Variants in PLCG2 observed in about 807,000 individuals in gnomAD.
PLCG2 encodes phospholipase C gamma 2, also known as 1-phosphatidylinositol 4,5-bisphosphate phosphodiesterase gamma-2.
PLCG2 carries 69 observed loss-of-function variants against 175.6 expected under a neutral mutation model. That is an observed-to-expected ratio of 0.39 (90% confidence interval 0.32 to 0.48). The LOEUF (loss-of-function observed/expected upper bound fraction) is 0.48. Ranked by LOEUF, PLCG2 falls within the 20% of genes least tolerant of loss-of-function variation. The pLI, the probability that PLCG2 is intolerant of heterozygous loss-of-function variation, is 0.91. For missense variants in PLCG2, 1,798 were observed against 1,650.9 expected (o/e 1.09, Z -1.54); for synonymous variants, 827 against 624.0 (o/e 1.33, Z -4.85).
In PLCG2 at chr16:81,875,375, G is replaced by A. The variant is rs1391929281; in HGVS notation, c.648+4440G>A. Among the ~76,000 whole-genome samples, 6 of 152,296 alleles carry A rather than the reference G, an allele frequency of 3.9e-5. No homozygotes were observed. The South Asian group carries it at 1.2e-3, about 32-fold the overall frequency. ...AACTGAGGTCCAGAGAGGTTACTTT[G>A]CTGAAGGCCTGTTTACTGCAGGGTA... On this transcript the variant is annotated intron_variant, in intron 7 of 32. Coordinates refer to ENST00000564138, the MANE Select transcript of PLCG2 (RefSeq NM_002661.5).
chr16:81,954,714 C>A (rs1190933869), intron 31 of PLCG2, among the ~76,000 whole-genome samples: 1 of 152,072 alleles, frequency 6.6e-6, no homozygotes, highest in East Asian at 1.9e-4. Flanking sequence ...GTATATGTAC[C>A]ACATTTTCTT....
chr16:81,944,506 A>G (rs1366528868), intron 30 of PLCG2, among the ~76,000 whole-genome samples: 1 of 152,202 alleles, frequency 6.6e-6, no homozygotes. Flanking sequence ...TCTGTCACTG[A>G]GGCTGAAATT....
chr16:81,868,328 C>G (rs1159937628), intron 5 of PLCG2, among the ~76,000 whole-genome samples: 2 of 152,260 alleles, frequency 1.3e-5, no homozygotes, highest in South Asian at 2.1e-4. Context: ...CCTTAGTGAC[C>G]TTGCCTTGCT....
At chr16:81,851,641 T>G (rs1204643896) in intron 2 of PLCG2, among the ~76,000 whole-genome samples, 3 of 152,202 alleles carry the variant, frequency 2.0e-5, no homozygotes, top group African/African-American at 7.2e-5. Flanking sequence ...TCCTCCCAAG[T>G]AGCTGGTACA....
chr16:81,761,852 C>T (rs1449677620), intron 2 of PLCG2, among the ~76,000 whole-genome samples: 1 of 138,480 alleles, frequency 7.2e-6, no homozygotes. Flanking sequence ...TTTTTTTGCG[C>T]ATGGAGTCTT....
intron 5 of PLCG2, among the ~76,000 whole-genome samples, chr16:81,859,684 G>A (rs527623077): frequency 5.3e-5 from 8 of 152,136 alleles, no homozygotes; most frequent in East Asian, 3.9e-4. Context: ...ACAGGCACCC[G>A]CCACCATGCC....
Position 81,885,325 on chromosome 16 carries a change from C to T in PLCG2, c.765+1984C>T, listed in dbSNP as rs749864710. Among the ~76,000 whole-genome samples, 23 of 78,564 alleles carry T rather than the reference C, an allele frequency of 2.9e-4. No homozygotes were observed. The Admixed American group carries it at 3.0e-3, about 10-fold the overall frequency. The allele number at this position is 78,564 out of a possible 152,430, so 51.5% of individuals were successfully genotyped here. On this transcript the variant is annotated intron_variant, in intron 9 of 32. Transcript: ENST00000564138. Reference sequence around the variant, plus strand: ...AGGTGTGAGCCACCACGCCCAGCCCCGACTAATTTTGTATCTTTAGTAGAA... The same window carrying T: ...AGGTGTGAGCCACCACGCCCAGCCCTGACTAATTTTGTATCTTTAGTAGAA...
At chr16:81,928,301 G>A (rs554110947) in intron 23 of PLCG2, among the ~76,000 whole-genome samples, 1 of 152,228 alleles carries the variant, frequency 6.6e-6, no homozygotes, top group African/African-American at 2.4e-5. Context: ...TATGAAACCT[G>A]TTCTAGAATT....
intron 22 of PLCG2, among the ~76,000 whole-genome samples, chr16:81,926,126 A>T (rs1408101171): frequency 6.6e-6 from 1 of 152,180 alleles, no homozygotes; most frequent in African/African-American, 2.4e-5. Context: ...GGGCCAAGGC[A>T]TGGAAGCTAG....
chr16:81,842,448 G>A (rs896825448), intron 2 of PLCG2, among the ~76,000 whole-genome samples: 1 of 152,188 alleles, frequency 6.6e-6, no homozygotes, highest in Non-Finnish European at 1.5e-5. Flanking sequence ...CATCCCTAGC[G>A]CTCAGCGTGG....
intron 2 of PLCG2, among the ~76,000 whole-genome samples, chr16:81,836,314 C>T (rs1447249719): frequency 6.6e-6 from 1 of 152,180 alleles, no homozygotes; most frequent in Non-Finnish European, 1.5e-5. Flanking sequence ...TCTCCTGGTG[C>T]CCTGTATTGG....
chr16:81,903,693 A>G (rs2143638713), intron 14 of PLCG2, among the ~76,000 whole-genome samples: 1 of 152,164 alleles, frequency 6.6e-6, no homozygotes, highest in African/African-American at 2.4e-5. Context: ...CTTCTCAGGC[A>G]CCTAGTTGGT....
intron 2 of PLCG2, among the ~76,000 whole-genome samples, chr16:81,819,292 G>T (rs914093839): frequency 1.2e-4 from 19 of 152,274 alleles, no homozygotes; most frequent in African/African-American, 4.6e-4. Flanking sequence ...TGGGGGTGTT[G>T]GATTCCCAGG....
At chr16:81,893,423 G>A (rs1415669681) in intron 11 of PLCG2, among the ~76,000 whole-genome samples, 1 of 147,278 alleles carries the variant, frequency 6.8e-6, no homozygotes, top group African/African-American at 2.5e-5. Flanking sequence ...GACGTGCTTT[G>A]ACCAACTTCT....
Position 81,959,954 on chromosome 16 carries a change from T to C in PLCG2, c.*1956T>C, listed in dbSNP as rs1386212734. ...CTTTCTGCCCAAATGGGTTTTTTGC[T>C]ACCATATCAAAGAACCTGACATATG... On this transcript the variant is annotated 3_prime_UTR_variant, in exon 33 of 33. Transcript: ENST00000564138. The C allele has an allele frequency of 4.9e-6, 1 of 203,196 alleles. No homozygotes were observed. Among genetic ancestry groups the C allele is most frequent in the Non-Finnish European group, 1.0e-5 (1 of 99,032 alleles). The allele number at this position is 203,196 out of a possible 1,614,324, so 12.6% of individuals were successfully genotyped here.
intron 2 of PLCG2, among the ~76,000 whole-genome samples, chr16:81,840,788 C>T (rs886108669): frequency 1.2e-4 from 19 of 152,194 alleles, no homozygotes; most frequent in Non-Finnish European, 2.2e-4. Context: ...TTGGGGACCC[C>T]TGTCTTGGAG....
chr16:81,834,901 G>A (rs1429654654), intron 2 of PLCG2, among the ~76,000 whole-genome samples: 1 of 152,170 alleles, frequency 6.6e-6, no homozygotes, highest in Non-Finnish European at 1.5e-5. Context: ...AGGCAGCCTT[G>A]GTCCATTGTA....
chr16:81,841,956 G>T (rs1905856751), intron 2 of PLCG2, among the ~76,000 whole-genome samples: 1 of 152,234 alleles, frequency 6.6e-6, no homozygotes, highest in Non-Finnish European at 1.5e-5. Context: ...AGGTGGTACA[G>T]AAAACCATTC....
chr16:81,793,867 G>A (rs1911348065), intron 2 of PLCG2, among the ~76,000 whole-genome samples: 1 of 152,128 alleles, frequency 6.6e-6, no homozygotes, highest in Admixed American at 6.6e-5. Flanking sequence ...TTAAGGAAAG[G>A]GCAGAGCTAC....
Sources: gnomAD v4.1 joint callset for allele counts (sites outside exome capture counted in the v4.1 genomes callset) on GRCh38, gnomAD v4.1.1 for gene constraint, MANE v1.5 for transcripts, NCBI Gene and HGNC (gene_info 2026-07-23, HGNC 2026-07-21) for gene names.